The following ZBTB40 variants were observed in gnomAD, a reference collection of about 807,000 sequenced individuals.
The protein encoded by ZBTB40 is zinc finger and BTB domain containing 40.
In ZBTB40, 60 loss-of-function variants were observed where a neutral mutation model predicts 117.5. That is an observed-to-expected ratio of 0.51 (90% CI 0.41 to 0.63). ZBTB40 has a LOEUF of 0.63. Among genes scored for constraint, ZBTB40 ranks in the 30% least tolerant of loss-of-function variants. The probability of loss-of-function intolerance (pLI) is 0.00; values close to 1 mark genes in which losing one functional copy is unlikely to be tolerated. For synonymous variants in ZBTB40, 525 were observed against 577.1 expected, an observed-to-expected ratio of 0.91 and a Z score of 1.29; for missense variants, 1,287 against 1,498.5, an observed-to-expected ratio of 0.86 and a Z score of 2.33.
chr1:22,486,151 G>T (rs1638460633), intron 1 of ZBTB40, among the ~76,000 whole-genome samples: 1 of 152,214 alleles, frequency 6.6e-6, no homozygotes, highest in African/African-American at 2.4e-5. Context: ...TGGACATGAT[G>T]TACTGCATAA....
At chr1:22,448,554 A>G (rs1018500908), upstream of ZBTB40, among the ~76,000 whole-genome samples, 1 of 152,250 alleles carries the variant, frequency 6.6e-6, no homozygotes, top group African/African-American at 2.4e-5. Context: ...TGCAGACTGC[A>G]GTCAGACCTC....
chr1:22,460,204 A>G (rs981677228), intron 1 of ZBTB40, among the ~76,000 whole-genome samples: 2 of 152,176 alleles, frequency 1.3e-5, no homozygotes, highest in Non-Finnish European at 2.9e-5. Context: ...ATGGATGAAT[A>G]AAGTAGTGAG....
intron 10 of ZBTB40, 25 bp from the exon 11 acceptor site, chr1:22,511,651 G>A (rs1246190100): frequency 1.2e-6 from 2 of 1,609,354 alleles, no homozygotes; most frequent in South Asian, 1.1e-5. Flanking sequence ...AGTTCGCAGA[G>A]CCACGAGATG....
intron 13 of ZBTB40, among the ~76,000 whole-genome samples, chr1:22,518,613 T>C (rs1002071839): frequency 2.6e-5 from 4 of 152,318 alleles, no homozygotes; most frequent in East Asian, 3.9e-4. Context: ...GTGCGCTTTA[T>C]GTAAACACAT....
At chr1:22,487,987 T>C (rs1466665160) in intron 1 of ZBTB40, among the ~76,000 whole-genome samples, 1 of 152,190 alleles carries the variant, frequency 6.6e-6, no homozygotes, top group Non-Finnish European at 1.5e-5. Flanking sequence ...TGTTTTCTTA[T>C]CTGCATGCCT....
intron 1 of ZBTB40, among the ~76,000 whole-genome samples, chr1:22,474,821 C>A (rs544495676): frequency 6.6e-6 from 1 of 151,964 alleles, no homozygotes; most frequent in Non-Finnish European, 1.5e-5. Flanking sequence ...AACTTCTGTT[C>A]GGTGAAAGCA....
intron 3 of ZBTB40, among the ~76,000 whole-genome samples, chr1:22,499,233 G>A (rs1037181274): frequency 2.0e-5 from 3 of 152,216 alleles, no homozygotes; most frequent in South Asian, 2.1e-4. Flanking sequence ...GGGTGTCTCC[G>A]TAGGGCAGCT....
In ZBTB40 at chr1:22,481,787, CAAAAAAAAAA is replaced by C. The variant is rs766474050; in HGVS notation, c.-69-8074_-69-8065del. ...CCGTAAGACTTATGTCTTGTTTTAC[CAAAAAAAAAA>C]AAAAAAAAAAAAAAAAAATCACATT... On this transcript the variant is annotated intron_variant, in intron 1 of 17. Coordinates refer to ENST00000375647, the MANE Select transcript of ZBTB40 (RefSeq NM_014870.4). Among the ~76,000 whole-genome samples the C allele has an allele frequency of 4.4e-4, 28 of 64,310 alleles. No homozygotes were observed. The South Asian group carries it at 7.1e-3, about 16-fold the overall frequency. 42.2% of individuals were successfully genotyped at this position (64,310 alleles called of 152,430 possible).
chr1:22,475,379 A>C (rs889570655), intron 1 of ZBTB40, among the ~76,000 whole-genome samples: 1 of 152,066 alleles, frequency 6.6e-6, no homozygotes, highest in African/African-American at 2.4e-5. Flanking sequence ...GTTTTTGGAG[A>C]TCTACCTCTG....
chr1:22,449,362 C>T (rs940368804), upstream of ZBTB40, among the ~76,000 whole-genome samples: 58 of 152,264 alleles, frequency 3.8e-4, no homozygotes, highest in African/African-American at 1.3e-3. Context: ...CCGCAGCTGT[C>T]GAAGCTCTGT....
At chr1:22,434,133 C>A (rs1396618330) in intron 1 of ZBTB40, among the ~76,000 whole-genome samples, 1 of 152,140 alleles carries the variant, frequency 6.6e-6, no homozygotes, top group Non-Finnish European at 1.5e-5. Flanking sequence ...CAGAATTTTT[C>A]CTAATGAGTA....
chr1:22,490,423 T>C lies in ZBTB40; in HGVS notation c.475T>C (p.Ser159Pro), dbSNP rs756098514. The stretch of plus-strand genomic sequence containing the variant: ...ATCTGAAGGTGCTGGAGAGCCTCAT[T>C]CTTCCCCAGAGCTTGCTGCCACTCC... The part of the protein sequence containing the change: ...LSSEGAGEPH[S>P]SPELAATPGG... Residue 159 changes from serine to proline, a missense_variant, in exon 2 of 18, where the codon TCT becomes CCT. By Grantham distance (74) the Ser-to-Pro change is moderately conservative. Transcript: ENST00000375647. 1 of 1,609,778 alleles carries C rather than the reference T, an allele frequency of 6.2e-7. No individual in the cohort carries two copies. Among genetic ancestry groups the C allele is most frequent in the South Asian group, 1.1e-5 (1 of 90,826 alleles).
At chr1:22,484,608 C>A (rs568006399) in intron 1 of ZBTB40, among the ~76,000 whole-genome samples, 1 of 152,322 alleles carries the variant, frequency 6.6e-6, no homozygotes, top group African/African-American at 2.4e-5. Flanking sequence ...GTTTTAACTT[C>A]CTTCCCAATC....
chr1:22,452,050 G>A, intron 1 of ZBTB40, 46 bp downstream of exon 1: 1 of 152,772 alleles, frequency 6.5e-6, no homozygotes, highest in Non-Finnish European at 1.5e-5. Context: ...GACCCTTCCT[G>A]CAGCGGGGGC....
At chr1:22,468,465 CTTTTTTTTTTTTTTT>C (rs555995462) in intron 1 of ZBTB40, among the ~76,000 whole-genome samples, 5 of 51,726 alleles carry the variant, frequency 9.7e-5, no homozygotes, top group African/African-American at 4.7e-4. Flanking sequence ...TTAATGTTTC[CTTTTTTTTTTTTTTT>C]TTTTTTTTTT....
chr1:22,508,823 C>T, intron 8 of ZBTB40, 92 bp downstream of exon 8: 1 of 1,310,086 alleles, frequency 7.6e-7, no homozygotes, highest in African/African-American at 1.5e-5. Context: ...TAACGGTAGT[C>T]ACCTACATCC....
chr1:22,459,261 G>T (rs1641077459), intron 1 of ZBTB40, among the ~76,000 whole-genome samples: 2 of 152,070 alleles, frequency 1.3e-5, no homozygotes, highest in Admixed American at 6.5e-5. Flanking sequence ...TCATAGTTAG[G>T]ATATTTGCCC....
At chr1:22,510,272 G>C (rs113079811) in intron 9 of ZBTB40, among the ~76,000 whole-genome samples, 5 of 152,320 alleles carry the variant, frequency 3.3e-5, no homozygotes, top group African/African-American at 9.6e-5. Context: ...AACTCTCTCT[G>C]TGCAGGTGAC....
chr1:22,515,422 C>T (rs1269729567), intron 12 of ZBTB40, among the ~76,000 whole-genome samples: 2 of 152,196 alleles, frequency 1.3e-5, no homozygotes, highest in East Asian at 3.8e-4. Flanking sequence ...CCCAAATATA[C>T]TCTTTTACCA....
Sources: allele counts gnomAD v4.1 joint callset (sites outside exome capture counted in the v4.1 genomes callset), GRCh38; gene constraint gnomAD v4.1.1; transcripts MANE v1.5; gene names NCBI Gene and HGNC (gene_info 2026-07-23, HGNC 2026-07-21).